Variants in VWF observed in about 807,000 individuals in gnomAD.
VWF encodes the protein Factor VIII related antigen.
Under a neutral mutation model 308.6 loss-of-function variants are expected in VWF, and 176 were observed. The observed-to-expected ratio is 0.57, with a 90% CI of 0.50 to 0.65. The LOEUF (loss-of-function observed/expected upper bound fraction) is 0.65, where lower values mean the gene tolerates loss of function less well. Among genes scored for constraint, VWF ranks in the 30% least tolerant of loss-of-function variants. VWF has a pLI of 0.00. For synonymous variants in VWF, 1,385 were observed against 1,443.4 expected, an observed-to-expected ratio of 0.96 and a Z score of 0.92; for missense variants, 3,146 against 3,648.2, an observed-to-expected ratio of 0.86 and a Z score of 3.55.
intron 10 of VWF, among the ~76,000 whole-genome samples, chr12:6,071,028 G>T (rs1160089982): frequency 6.6e-6 from 1 of 152,172 alleles, no homozygotes; most frequent in Non-Finnish European, 1.5e-5. Context: ...AATCCTTTCA[G>T]CAAACAGGTA....
chr12:6,013,360 T>C, intron 32 of VWF, 121 bp downstream of exon 32: 3 of 1,284,956 alleles, frequency 2.3e-6, no homozygotes, highest in South Asian at 1.2e-5. Context: ...ATAATCTTCA[T>C]TCAAGGCCAA....
At chr12:6,031,809 T>G (rs1452076785) in intron 20 of VWF, among the ~76,000 whole-genome samples, 2 of 19,230 alleles carry the variant, frequency 1.0e-4, no homozygotes, top group African/African-American at 2.1e-4. Context: ...GTGCCTGCAG[T>G]GAGTGGGGTG....
chr12:5,987,514 CA>C (rs1660864517), intron 38 of VWF, among the ~76,000 whole-genome samples: 1 of 152,228 alleles, frequency 6.6e-6, no homozygotes, highest in Non-Finnish European at 1.5e-5. Context: ...TCAACAGACA[CA>C]GTGCCCATCG....
intron 5 of VWF, among the ~76,000 whole-genome samples, chr12:6,103,492 GTA>G: frequency 8.4e-6 from 1 of 118,756 alleles, no homozygotes; most frequent in South Asian, 2.3e-4. Flanking sequence ...ACATATATGT[GTA>G]TACACACACG....
chr12:5,966,749 A>G, intron 47 of VWF, among the ~76,000 whole-genome samples: 1 of 152,030 alleles, frequency 6.6e-6, no homozygotes, highest in East Asian at 1.9e-4. Flanking sequence ...CTCACAAGAG[A>G]CTCCTCTGAC....
At chr12:6,118,063 C>T (rs763242334) in intron 3 of VWF, among the ~76,000 whole-genome samples, 9 of 152,064 alleles carry the variant, frequency 5.9e-5, no homozygotes, top group African/African-American at 9.7e-5. Flanking sequence ...AGGAGGTGAC[C>T]GAGACAGCCC....
chr12:6,012,463 C>G (rs1178708007), intron 32 of VWF, among the ~76,000 whole-genome samples: 2 of 152,210 alleles, frequency 1.3e-5, no homozygotes, highest in African/African-American at 2.4e-5. Context: ...ATCCTGGAAA[C>G]CTGAAAGAGA....
Position 6,047,680 on chromosome 12 carries a change from T to C in VWF, c.2187-863A>G, listed in dbSNP as rs187074179. Reference sequence around the variant, plus strand: ...AACGTCTGTGGTTGCTTTGTATGTATGTTTAGTTTGTATAAATGATATCAC... The same window carrying C: ...AACGTCTGTGGTTGCTTTGTATGTACGTTTAGTTTGTATAAATGATATCAC... On this transcript the variant is annotated intron_variant, in intron 16 of 51. Transcript: ENST00000261405. Among the ~76,000 whole-genome samples the C allele has an allele frequency of 1.3e-3, 202 of 152,372 alleles. 1 individual carries two copies. Among genetic ancestry groups the C allele is most frequent in the African/African-American group, 4.4e-3 (183 of 41,588 alleles).
At chr12:6,072,872 T>TA (rs1944796752) in intron 8 of VWF, among the ~76,000 whole-genome samples, 1 of 149,840 alleles carries the variant, frequency 6.7e-6, no homozygotes, top group African/African-American at 2.5e-5. Context: ...CTCAATAACT[T>TA]TTTTTTTTTT....
chr12:6,067,376 C>T (rs1399726765), intron 10 of VWF, among the ~76,000 whole-genome samples: 1 of 152,186 alleles, frequency 6.6e-6, no homozygotes, highest in African/African-American at 2.4e-5. Context: ...AGAAAATGGA[C>T]TTCTGTCTTC....
chr12:6,046,896 C>T lies in VWF; in HGVS notation c.2187-79G>A, dbSNP rs1248891964. 1.5e-6 allele frequency: 2 copies of T among 1,302,360 alleles called. No individual in the cohort carries two copies. The highest frequency in any genetic ancestry group is 1.1e-6 in the Non-Finnish European group (1 of 919,726). 80.7% of individuals were successfully genotyped at this position (1,302,360 alleles called of 1,614,324 possible). A position where few individuals can be genotyped will look rare whatever the true frequency, so the allele number is the denominator to read the frequency against. On this transcript the variant is annotated intron_variant, in intron 16 of 51. Transcript: ENST00000261405. This position sits in a 1 kb window ranked among gnomAD's most constrained non-coding sequence, Gnocchi z 5.0. ...CCTCCACATCTTCACCTCCCACTCA[C>T]TCTCTGCCCCTTCCAACCAGGTCCC... is the stretch of plus-strand genomic sequence containing the variant.
chr12:6,097,457 C>G (rs924502043), intron 5 of VWF, among the ~76,000 whole-genome samples: 1 of 151,884 alleles, frequency 6.6e-6, no homozygotes, highest in African/African-American at 2.4e-5. Context: ...CAAAACAAAA[C>G]AAAACAAAAC....
chr12:5,994,526 C>T lies in VWF; in HGVS notation c.6145G>A (p.Glu2049Lys), dbSNP rs1449892461. The change falls in exon 36 of 52, where the codon GAG becomes AAG. Residue 2049 changes from glutamate to lysine, a missense_variant. Coordinates refer to ENST00000261405, the MANE Select transcript of VWF (RefSeq NM_000552.5). ...TGACCAAGGTGATTGAATCTGACCT[C>T]ATGCATGATGGCACCATAAACGTTG... is the stretch of plus-strand genomic sequence containing the variant. ...EVNVYGAIMH[E>K]VRFNHLGHIF... 1.2e-6 allele frequency: 2 copies of T among 1,614,068 alleles called. No individual in the cohort carries two copies. The highest frequency in any genetic ancestry group is 1.7e-5 in the Admixed American group (1 of 60,018).
intron 21 of VWF, among the ~76,000 whole-genome samples, 178 bp from the exon 22 acceptor site, chr12:6,029,666 G>A (rs988255820): frequency 1.3e-5 from 2 of 152,166 alleles, no homozygotes; most frequent in Non-Finnish European, 2.9e-5. Flanking sequence ...GCCAGGACAT[G>A]TCTGTGACCA....
chr12:5,951,793 T>C (rs540052111), intron 50 of VWF, 51 bp downstream of exon 50: 3 of 1,604,996 alleles, frequency 1.9e-6, no homozygotes, highest in Admixed American at 3.3e-5. Flanking sequence ...AAAGAGCCCC[T>C]GGACTTGCTC....
At chr12:6,090,083 G>C (rs1011486989) in intron 6 of VWF, among the ~76,000 whole-genome samples, 1 of 151,708 alleles carries the variant, frequency 6.6e-6, no homozygotes, top group African/African-American at 2.4e-5. Context: ...TCAGCCTCCC[G>C]AGTAGCTGGG....
At chr12:6,083,832 C>T (rs935961535) in intron 6 of VWF, among the ~76,000 whole-genome samples, 3 of 152,176 alleles carry the variant, frequency 2.0e-5, no homozygotes, top group African/African-American at 7.2e-5. Context: ...GGGTCTTGTG[C>T]AACCTCCACC....
At chr12:6,071,487 T>A in intron 9 of VWF, 144 bp from the exon 10 acceptor site, 1 of 928,150 alleles carries the variant, frequency 1.1e-6, no homozygotes, top group South Asian at 1.4e-5. Context: ...AGAATCTTCA[T>A]AGGGTTAAAA....
intron 3 of VWF, among the ~76,000 whole-genome samples, chr12:6,115,528 A>C (rs1395524685): frequency 6.6e-6 from 1 of 152,084 alleles, no homozygotes; most frequent in East Asian, 1.9e-4. Flanking sequence ...TGTGCCATGC[A>C]CTCTGATATT....
Sources: allele counts gnomAD v4.1 joint callset (sites outside exome capture counted in the v4.1 genomes callset), GRCh38; gene constraint gnomAD v4.1.1; non-coding constraint Gnocchi (gnomAD v3.1); transcripts MANE v1.5; gene names NCBI Gene and HGNC (gene_info 2026-07-23, HGNC 2026-07-21).